MYO1D: variants seen among roughly 807,000 people sequenced by gnomAD.
MYO1D encodes unconventional myosin-Id.
In MYO1D, 83 loss-of-function variants were observed where a neutral mutation model predicts 122.0. The ratio of observed to expected loss-of-function variants is 0.68; its 90% confidence interval spans 0.57 to 0.82. The LOEUF is 0.82. Ranked by LOEUF, MYO1D falls within the 40% of genes least tolerant of loss-of-function variation. MYO1D has a pLI of 0.00. For synonymous variants in MYO1D, 464 were observed against 446.9 expected (o/e 1.04, Z -0.48); for missense variants, 1,157 against 1,269.5 (o/e 0.91, Z 1.35).
Position 32,827,622 on chromosome 17 carries a change from GTATT to G in MYO1D, c.96-46842_96-46839del, listed in dbSNP as rs764134836. Among the ~76,000 whole-genome samples the G allele has an allele frequency of 2.0e-5, 3 of 152,238 alleles. No individual in the cohort carries two copies. The East Asian group carries it at 5.8e-4, about 29-fold the overall frequency. Reference sequence around the variant, plus strand: ...AATAAGCATTTTGTAAAAAATGTTTGTATTTATTTCTCTATTTTTAAAACCTCCA... The same window carrying G: ...AATAAGCATTTTGTAAAAAATGTTTGTATTTCTCTATTTTTAAAACCTCCA... On this transcript the variant is annotated intron_variant, in intron 1 of 21. Transcript: ENST00000318217.
rs76571679 is a variant in MYO1D at position 32,761,384 on chromosome 17, G to A, written c.1036-757C>T. Among the ~76,000 whole-genome samples, 107 of 152,174 alleles carry A rather than the reference G, an allele frequency of 7.0e-4. 2 individuals are homozygous for A. The highest frequency in any genetic ancestry group is 6.0e-3 in the East Asian group (31 of 5,182). On this transcript the variant is annotated intron_variant, in intron 8 of 21. Transcript: ENST00000318217. ...CAGCACCTCTACATAGATACTTCTC[G>A]TACCTCATATGGACATCTTGCTCTG...
intron 21 of MYO1D, among the ~76,000 whole-genome samples, chr17:32,588,442 A>ATT (rs1444218273): frequency 6.6e-6 from 1 of 152,138 alleles, no homozygotes; most frequent in Non-Finnish European, 1.5e-5. Flanking sequence ...AGTGAAGTCC[A>ATT]TTTTTTTCTG....
In MYO1D at chr17:32,857,931, G is replaced by A. The variant is rs369524622; in HGVS notation, c.95+18847C>T. ...CCAATTATATCATTATTCTTGGAAC[G>A]AATTATATGTAGTCCTCAGTATACA... On this transcript the variant is annotated intron_variant, in intron 1 of 21. Transcript: ENST00000318217. Among the ~76,000 whole-genome samples the A allele has an allele frequency of 8.5e-5, 13 of 152,266 alleles. No individual in the cohort carries two copies. In the South Asian group the frequency reaches 1.4e-3, roughly 17 times the overall value.
At chr17:32,681,131 T>G (rs1397297684) in intron 16 of MYO1D, among the ~76,000 whole-genome samples, 2 of 152,008 alleles carry the variant, frequency 1.3e-5, no homozygotes, top group Non-Finnish European at 2.9e-5. Context: ...GTCTATTTGA[T>G]TCTTCTCTCT....
intron 14 of MYO1D, 40 bp downstream of exon 14, chr17:32,738,213 C>G: frequency 6.6e-7 from 1 of 1,510,826 alleles, no homozygotes; most frequent in Non-Finnish European, 9.0e-7. Context: ...AAGAGGAAAT[C>G]TATGAGTTAA....
chr17:32,551,470 G>T (rs781680461), intron 21 of MYO1D, among the ~76,000 whole-genome samples: 7 of 152,090 alleles, frequency 4.6e-5, no homozygotes, highest in African/African-American at 1.2e-4. Flanking sequence ...TCACAGGAGA[G>T]AAAAATGTTT....
At chr17:32,613,576 T>C (rs570484192) in intron 20 of MYO1D, among the ~76,000 whole-genome samples, 6 of 151,860 alleles carry the variant, frequency 4.0e-5, no homozygotes, top group South Asian at 2.1e-4. Context: ...GAGATCAAGA[T>C]CATCCTAGCC....
chr17:32,774,676 C>T (rs906222951), intron 4 of MYO1D, among the ~76,000 whole-genome samples: 1 of 152,152 alleles, frequency 6.6e-6, no homozygotes, highest in African/African-American at 2.4e-5. Flanking sequence ...ATGTATTACA[C>T]ATAAAGTGAA....
chr17:32,801,347 G>A (rs8081170), intron 1 of MYO1D, among the ~76,000 whole-genome samples: 1 of 152,152 alleles, frequency 6.6e-6, no homozygotes, highest in African/African-American at 2.4e-5. Flanking sequence ...GGGTTTGGCC[G>A]GCGTGGCCAG....
intron 16 of MYO1D, among the ~76,000 whole-genome samples, chr17:32,697,632 T>C (rs905990946): frequency 6.8e-6 from 1 of 146,140 alleles, no homozygotes; most frequent in Non-Finnish European, 1.5e-5. Context: ...CTGGAGCATG[T>C]ATTTTCAGTT....
intron 12 of MYO1D, among the ~76,000 whole-genome samples, chr17:32,748,545 A>G (rs1424582722): frequency 6.6e-6 from 1 of 152,066 alleles, no homozygotes; most frequent in Non-Finnish European, 1.5e-5. Context: ...TCCATTCTTC[A>G]TTATAGTGAC....
At chr17:32,528,454 CGTATGTGTGTGTGTGT>C (rs1163679245) in intron 21 of MYO1D, among the ~76,000 whole-genome samples, 2 of 151,258 alleles carry the variant, frequency 1.3e-5, no homozygotes, top group Non-Finnish European at 3.0e-5. Context: ...TGTGTGTGTG[CGTATGTGTGTGTGTGT>C]GTATGTGTGT....
intron 16 of MYO1D, among the ~76,000 whole-genome samples, chr17:32,690,116 T>A (rs1263600632): frequency 6.6e-6 from 1 of 152,152 alleles, no homozygotes; most frequent in African/African-American, 2.4e-5. Context: ...TGTGAGTGTC[T>A]GTTACATACA....
chr17:32,764,781 C>T (rs2090037865), intron 8 of MYO1D, 97 bp downstream of exon 8: 2 of 1,305,430 alleles, frequency 1.5e-6, no homozygotes, highest in East Asian at 2.3e-5. Context: ...AAAGCCTTAA[C>T]CCTCTTTCAA....
intron 1 of MYO1D, among the ~76,000 whole-genome samples, chr17:32,827,636 A>G (rs147378921): frequency 4.6e-4 from 70 of 152,356 alleles, no homozygotes; most frequent in African/African-American, 1.5e-3. Flanking sequence ...TTATTTCTCT[A>G]TTTTTAAAAC....
intron 20 of MYO1D, among the ~76,000 whole-genome samples, chr17:32,614,973 A>G (rs1380613036): frequency 1.3e-5 from 2 of 152,148 alleles, no homozygotes; most frequent in Admixed American, 6.5e-5. Flanking sequence ...CCACCTTCGA[A>G]TCTTCCTAAT....
intron 14 of MYO1D, among the ~76,000 whole-genome samples, chr17:32,731,249 T>C (rs2089635915): frequency 6.6e-6 from 1 of 152,230 alleles, no homozygotes; most frequent in Non-Finnish European, 1.5e-5. Context: ...TTAGTCTAAG[T>C]GGAATTCTGG....
chr17:32,851,127 C>G (rs571000471), intron 1 of MYO1D, among the ~76,000 whole-genome samples: 4 of 152,198 alleles, frequency 2.6e-5, no homozygotes, highest in East Asian at 3.9e-4. Flanking sequence ...CAACAGCTCC[C>G]AAATCAGAAG....
In MYO1D at chr17:32,628,795, GA is replaced by G. The variant is rs150577710; in HGVS notation, c.2709+9926del. ...AACTCATTAATTCCTGGTGGAAATG[GA>G]AAATGATACAGCCACTTTGGAAAAT... On this transcript the variant is annotated intron_variant, in intron 20 of 21. Coordinates refer to ENST00000318217, the MANE Select transcript of MYO1D (RefSeq NM_015194.3). Among the ~76,000 whole-genome samples, 13 of 152,296 alleles carry G rather than the reference GA, an allele frequency of 8.5e-5. No individual in the cohort carries two copies. In the East Asian group the frequency reaches 2.5e-3, roughly 29 times the overall value.
Sources: allele counts gnomAD v4.1 joint callset (sites outside exome capture counted in the v4.1 genomes callset), GRCh38; gene constraint gnomAD v4.1.1; transcripts MANE v1.5; gene names NCBI Gene and HGNC (gene_info 2026-07-23, HGNC 2026-07-21).